Variants in PNO1 observed in about 807,000 individuals in gnomAD.
The protein encoded by PNO1 is partner of NOB1 homolog, also known as RNA-binding protein PNO1.
A neutral mutation model predicts 28.4 loss-of-function variants in PNO1; 16 were observed. The observed-to-expected ratio is 0.56, with a 90% CI of 0.38 to 0.85. The LOEUF is 0.85. PNO1 is among the 40% of genes least tolerant of loss of function. PNO1 has a pLI of 0.00. For missense variants in PNO1, 304 were observed against 312.2 expected (o/e 0.97, Z 0.20); for synonymous variants, 115 against 110.8 (o/e 1.04, Z -0.24).
chr2:68,174,056 C>T (rs1264692325), intron 6 of PNO1, among the ~76,000 whole-genome samples: 1 of 152,134 alleles, frequency 6.6e-6, no homozygotes, highest in Non-Finnish European at 1.5e-5. Context: ...TGCTGAACAG[C>T]TTCAGGCAAT....
chr2:68,169,718 A>G (rs1209614219), intron 5 of PNO1, among the ~76,000 whole-genome samples: 1 of 152,210 alleles, frequency 6.6e-6, no homozygotes, highest in Admixed American at 6.5e-5. Context: ...ACGGTAGTAA[A>G]TAAGATAGAC....
chr2:68,174,881 C>T lies in PNO1; in HGVS notation c.*79C>T, dbSNP rs1229749008. 2 of 804,896 alleles carry T rather than the reference C, an allele frequency of 2.5e-6. No individual in the cohort carries two copies. The highest frequency in any genetic ancestry group is 1.7e-5 in the African/African-American group (1 of 58,716). 49.9% of individuals were successfully genotyped at this position (804,896 alleles called of 1,614,324 possible). On this transcript the variant is annotated 3_prime_UTR_variant, in exon 7 of 7. Transcript: ENST00000263657. ...ACAGTGGTCGGTCACAAGAAACCAGCTGAACAATTTCAGTCATTTGAAGCC... is the reference window on the plus strand; with the variant it reads ...ACAGTGGTCGGTCACAAGAAACCAGTTGAACAATTTCAGTCATTTGAAGCC...
chr2:68,166,535 G>C (rs554191735), intron 5 of PNO1, among the ~76,000 whole-genome samples: 43 of 152,254 alleles, frequency 2.8e-4, no homozygotes, highest in African/African-American at 1.0e-3. Context: ...CTCATGGGTG[G>C]CAGAGGAGGA....
rs375137424 is a variant in PNO1, at chr2:68,157,924, G to T, written c.-11G>T. 3.1e-6 allele frequency: 5 copies of T among 1,613,134 alleles called. No individual in the cohort carries two copies. The highest frequency in any genetic ancestry group is 4.2e-6 in the Non-Finnish European group (5 of 1,179,514). ...CGTGTTTCAGCCGGCAGCGCTTTAA[G>T]ATTTCCGGGGATGGAATCCGAAATG... On this transcript the variant is annotated 5_prime_UTR_variant, in exon 1 of 7. Coordinates refer to ENST00000263657, the MANE Select transcript of PNO1 (RefSeq NM_020143.4).
chr2:68,173,802 C>G (rs561967243), intron 6 of PNO1, among the ~76,000 whole-genome samples: 12 of 151,938 alleles, frequency 7.9e-5, no homozygotes, highest in South Asian at 2.1e-4. Flanking sequence ...AGGCTGGTCT[C>G]GAACTCCTGA....
intron 5 of PNO1, among the ~76,000 whole-genome samples, chr2:68,166,696 G>A (rs765054372): frequency 6.6e-6 from 1 of 152,154 alleles, no homozygotes; most frequent in Non-Finnish European, 1.5e-5. Flanking sequence ...CAGTGCCCAC[G>A]TCATAAAAGG....
chr2:68,162,103 C>T, intron 3 of PNO1, among the ~76,000 whole-genome samples, 162 bp from the exon 4 acceptor site: 1 of 151,484 alleles, frequency 6.6e-6, no homozygotes, highest in Non-Finnish European at 1.5e-5. Context: ...CACGCCACTG[C>T]ACTCCAGCCT....
intron 2 of PNO1, among the ~76,000 whole-genome samples, chr2:68,159,936 TC>T (rs1325753148): frequency 6.7e-6 from 1 of 149,974 alleles, no homozygotes; most frequent in Admixed American, 6.6e-5. Context: ...TTTTATGACA[TC>T]CTGGCATCTT....
chr2:68,165,389 A>AC (rs1180138841), intron 5 of PNO1, among the ~76,000 whole-genome samples: 47,258 of 131,788 alleles, frequency 0.36, 9,618 homozygotes, highest in South Asian at 0.53. Flanking sequence ...ACAACAAAAA[A>AC]AAAAAAACTA....
intron 2 of PNO1, 146 bp from the exon 3 acceptor site, chr2:68,161,537 G>C: frequency 1.6e-6 from 1 of 627,342 alleles, no homozygotes. Context: ...TATCTGACCA[G>C]AACCTGTGTC....
chr2:68,171,507 T>C (rs1417646574), intron 5 of PNO1, among the ~76,000 whole-genome samples: 2 of 152,212 alleles, frequency 1.3e-5, no homozygotes, highest in Non-Finnish European at 2.9e-5. Context: ...TTTGCTACTG[T>C]TATTACTCTC....
At chr2:68,162,193 G>A in intron 3 of PNO1, 72 bp from the exon 4 acceptor site, 1 of 1,125,524 alleles carries the variant, frequency 8.9e-7, no homozygotes, top group South Asian at 1.3e-5. Flanking sequence ...TAGTTCCATA[G>A]TGCTTTGCAC....
At position 68,163,274 on chromosome 2, in the gene PNO1, G is replaced by A. The variant is rs1052811807; in HGVS notation, c.620+611G>A. Among the ~76,000 whole-genome samples the A allele has an allele frequency of 5.9e-5, 9 of 152,340 alleles. No individual in the cohort carries two copies. In the South Asian group the frequency reaches 1.7e-3, roughly 28 times the overall value. ...GGGTTGGGCACAGTGGCTCACGCCT[G>A]CAATCCCAGCACTTTGGGAGGCTGA... is the stretch of plus-strand genomic sequence containing the variant. On this transcript the variant is annotated intron_variant, in intron 5 of 6. Transcript: ENST00000263657.
chr2:68,161,334 A>G (rs1157252570), intron 2 of PNO1: 1 of 476,488 alleles, frequency 2.1e-6, no homozygotes, highest in Non-Finnish European at 4.3e-6. Context: ...AGAGAAGAGG[A>G]CATTGGGCAT....
intron 2 of PNO1, among the ~76,000 whole-genome samples, chr2:68,160,461 C>A (rs1344763209): frequency 6.6e-6 from 1 of 152,160 alleles, no homozygotes; most frequent in Non-Finnish European, 1.5e-5. Context: ...AGCTCAAGTT[C>A]TTTCTCTGTT....
chr2:68,159,496 C>T (rs1377130680), intron 2 of PNO1, among the ~76,000 whole-genome samples: 1 of 151,452 alleles, frequency 6.6e-6, no homozygotes, highest in East Asian at 1.9e-4. Flanking sequence ...GTGAGCTGCC[C>T]CACCGAGCCT....
chr2:68,165,674 CTG>C (rs998128372), intron 5 of PNO1, among the ~76,000 whole-genome samples: 9 of 150,486 alleles, frequency 6.0e-5, no homozygotes, highest in African/African-American at 2.0e-4. Flanking sequence ...CAGTGAGACT[CTG>C]TCTCAAAAAA....
At chr2:68,164,457 C>T (rs1002042261) in intron 5 of PNO1, among the ~76,000 whole-genome samples, 1 of 152,146 alleles carries the variant, frequency 6.6e-6, no homozygotes, top group African/African-American at 2.4e-5. Flanking sequence ...TGCCACTGTA[C>T]TCAACCCTGG....
At chr2:68,167,246 G>A (rs1429132937) in intron 5 of PNO1, among the ~76,000 whole-genome samples, 2 of 152,150 alleles carry the variant, frequency 1.3e-5, no homozygotes, top group Non-Finnish European at 1.5e-5. Context: ...GAATTAGAGA[G>A]TGGGTGCAAG....
Sources: allele counts gnomAD v4.1 joint callset (sites outside exome capture counted in the v4.1 genomes callset), GRCh38; gene constraint gnomAD v4.1.1; transcripts MANE v1.5; gene names NCBI Gene and HGNC (gene_info 2026-07-23, HGNC 2026-07-21).